PCDH15: variants seen among roughly 807,000 people sequenced by gnomAD.
PCDH15 encodes the protein protocadherin related 15.
In PCDH15, 129 loss-of-function variants were observed where a neutral mutation model predicts 178.5. The observed-to-expected ratio is 0.72, with a 90% CI of 0.63 to 0.84. PCDH15 has a LOEUF of 0.84. Ranked by LOEUF, PCDH15 falls within the 40% of genes least tolerant of loss-of-function variation. The pLI, the probability that PCDH15 is intolerant of heterozygous loss-of-function variation, is 0.00. For synonymous variants in PCDH15, 800 were observed against 732.0 expected, an observed-to-expected ratio of 1.09 and a Z score of -1.50; for missense variants, 2,230 against 2,099.9, an observed-to-expected ratio of 1.06 and a Z score of -1.21.
intron 2 of PCDH15, among the ~76,000 whole-genome samples, chr10:55,005,163 G>T (rs570447673): frequency 1.4e-5 from 2 of 144,994 alleles, no homozygotes; most frequent in East Asian, 2.0e-4. Flanking sequence ...TTTGAGCCCA[G>T]AAGTTTGAGA....
intron 1 of PCDH15, among the ~76,000 whole-genome samples, chr10:55,171,406 A>G (rs1477075746): frequency 6.6e-6 from 1 of 152,180 alleles, no homozygotes; most frequent in Non-Finnish European, 1.5e-5. Context: ...TTCATGATAT[A>G]GTCCCAAAGT....
chr10:55,137,307 C>G (rs1290861144), intron 2 of PCDH15, among the ~76,000 whole-genome samples: 2 of 152,086 alleles, frequency 1.3e-5, no homozygotes, highest in African/African-American at 4.8e-5. Flanking sequence ...TATAAATACA[C>G]AAATACTTAC....
intron 26 of PCDH15, among the ~76,000 whole-genome samples, chr10:53,899,147 G>GT (rs1412917683): frequency 6.8e-6 from 1 of 146,202 alleles, no homozygotes; most frequent in Non-Finnish European, 1.5e-5. Flanking sequence ...TTTTTCGGGG[G>GT]GGGGTGGTCT....
intron 15 of PCDH15, among the ~76,000 whole-genome samples, chr10:54,112,142 AAAAT>A (rs564125140): frequency 6.6e-6 from 1 of 151,256 alleles, no homozygotes; most frequent in Admixed American, 6.6e-5. Context: ...ACTCTGTCTC[AAAAT>A]AAATAAATAA....
At chr10:53,872,623 AT>A (rs1383541877) in intron 26 of PCDH15, among the ~76,000 whole-genome samples, 1 of 152,186 alleles carries the variant, frequency 6.6e-6, no homozygotes, top group Non-Finnish European at 1.5e-5. Context: ...GCGCAGAGAA[AT>A]TAAATAATCA....
At position 54,317,433 on chromosome 10, in the gene PCDH15, G is replaced by C. The variant is rs1366085441; in HGVS notation, c.714C>G (p.Ala238=). 10 of 1,613,598 alleles carry C rather than the reference G, an allele frequency of 6.2e-6. No individual in the cohort carries two copies. The highest frequency in any genetic ancestry group is 8.5e-6 in the Non-Finnish European group (10 of 1,179,846). The change falls in exon 8 of 38, where the codon GCC becomes GCG. Residue 238 remains alanine (A), a synonymous_variant. Transcript: ENST00000644397. ...TGGTTCGCCTCTCATTCAGATTTTGGGCACGGTCCTGTTAGGGAGAAAAAC... is the reference window on the plus strand; with the variant it reads ...TGGTTCGCCTCTCATTCAGATTTTGCGCACGGTCCTGTTAGGGAGAAAAAC... ...YFVIIQANDR[A]QNLNERRTTT...
intron 2 of PCDH15, among the ~76,000 whole-genome samples, chr10:54,599,431 G>T (rs373928578): frequency 6.6e-6 from 1 of 152,198 alleles, no homozygotes; most frequent in South Asian, 2.1e-4. Context: ...TCAATAAATT[G>T]TGCTGGGATA....
chr10:53,893,485 G>A (rs1353963947), intron 26 of PCDH15, among the ~76,000 whole-genome samples: 1 of 152,098 alleles, frequency 6.6e-6, no homozygotes, highest in African/African-American at 2.4e-5. Flanking sequence ...TATGAAAAAG[G>A]TACTTGCACA....
At chr10:55,196,814 A>G (rs1263513957) in intron 1 of PCDH15, among the ~76,000 whole-genome samples, 1 of 151,968 alleles carries the variant, frequency 6.6e-6, no homozygotes, top group Non-Finnish European at 1.5e-5. Context: ...CTCACGATGA[A>G]TTATTTAAAT....
At chr10:53,996,727 A>G (rs2091867785) in intron 20 of PCDH15, among the ~76,000 whole-genome samples, 1 of 152,142 alleles carries the variant, frequency 6.6e-6, no homozygotes, top group African/African-American at 2.4e-5. Flanking sequence ...TTTTGTCAAT[A>G]AATAATGCTT....
At chr10:55,291,197 T>C (rs996080222) in intron 1 of PCDH15, among the ~76,000 whole-genome samples, 1 of 152,158 alleles carries the variant, frequency 6.6e-6, no homozygotes, top group Non-Finnish European at 1.5e-5. Context: ...ACTCATTTCA[T>C]TAACTTCCCT....
At chr10:54,977,699 G>A (rs923721172) in intron 2 of PCDH15, among the ~76,000 whole-genome samples, 4 of 152,020 alleles carry the variant, frequency 2.6e-5, no homozygotes, top group Non-Finnish European at 4.4e-5. Flanking sequence ...CAATAAACTC[G>A]CTTTCACGTT....
chr10:55,471,364 TG>T (rs1839952592), intron 2 of PCDH15, among the ~76,000 whole-genome samples: 1 of 152,228 alleles, frequency 6.6e-6, no homozygotes, highest in African/African-American at 2.4e-5. Flanking sequence ...AATAGAATAA[TG>T]TAGAATGTGA....
At chr10:53,830,506 C>T (rs996374957) in intron 30 of PCDH15, among the ~76,000 whole-genome samples, 3 of 152,008 alleles carry the variant, frequency 2.0e-5, no homozygotes, top group Non-Finnish European at 4.4e-5. Flanking sequence ...ATCAGCTCCC[C>T]AATTTTTTCA....
intron 28 of PCDH15, among the ~76,000 whole-genome samples, chr10:53,843,398 C>T (rs951387895): frequency 1.2e-4 from 18 of 149,512 alleles, no homozygotes; most frequent in African/African-American, 4.6e-4. Context: ...TAAATTTCCT[C>T]ACATATATAC....
At chr10:55,238,710 T>A (rs1841461085) in intron 1 of PCDH15, among the ~76,000 whole-genome samples, 1 of 152,026 alleles carries the variant, frequency 6.6e-6, no homozygotes, top group Non-Finnish European at 1.5e-5. Flanking sequence ...CTTTTTTCTC[T>A]TAATTTATAT....
At chr10:55,599,237 T>C (rs1301862080) in intron 2 of PCDH15, 1 of 152,092 alleles carries the variant, frequency 6.6e-6, no homozygotes, top group Non-Finnish European at 1.5e-5. Flanking sequence ...TGTGGCAAAA[T>C]AGTGAGAAGA....
At chr10:54,927,297 T>C (rs973318771) in intron 2 of PCDH15, among the ~76,000 whole-genome samples, 3 of 152,094 alleles carry the variant, frequency 2.0e-5, no homozygotes, top group African/African-American at 4.8e-5. Context: ...TGGTGCAAGA[T>C]AGTGGTTGTT....
chr10:54,332,830 T>C (rs1940130559), intron 6 of PCDH15, among the ~76,000 whole-genome samples: 1 of 152,176 alleles, frequency 6.6e-6, no homozygotes, highest in African/African-American at 2.4e-5. Flanking sequence ...TTAGTGACTT[T>C]ATTGATCTTC....
Sources: allele counts gnomAD v4.1 joint callset (sites outside exome capture counted in the v4.1 genomes callset), GRCh38; gene constraint gnomAD v4.1.1; transcripts MANE v1.5; gene names NCBI Gene and HGNC (gene_info 2026-07-23, HGNC 2026-07-21).